The following LYRM1 variants were observed in gnomAD, a reference collection of about 807,000 sequenced individuals.
The protein encoded by LYRM1 is LYR motif containing 1, also known as LYR motif-containing protein 1.
In LYRM1, 14 loss-of-function variants were observed where a neutral mutation model predicts 14.9. That is an observed-to-expected ratio of 0.94 (90% CI 0.62 to 1.47). The LOEUF is 1.47. Among genes scored for constraint, LYRM1 ranks in the 40% most tolerant of loss-of-function variants. The pLI is 0.00. For missense variants in LYRM1, 153 were observed against 149.9 expected (o/e 1.02, Z -0.11); for synonymous variants, 43 against 56.2 (o/e 0.77, Z 1.05).
chr16:20,911,547 T>G (rs1157478733), intron 1 of LYRM1, among the ~76,000 whole-genome samples: 1 of 152,198 alleles, frequency 6.6e-6, no homozygotes, highest in East Asian at 1.9e-4. Flanking sequence ...GAATGAGGTG[T>G]CCAGCTGCCT....
chr16:20,919,147 T>G (rs2083058345), intron 2 of LYRM1, among the ~76,000 whole-genome samples: 1 of 152,204 alleles, frequency 6.6e-6, no homozygotes. Flanking sequence ...TTTTATTCCT[T>G]TAATTGAGAG....
intron 2 of LYRM1, among the ~76,000 whole-genome samples, chr16:20,917,053 T>TA (rs748728602): frequency 0.015 from 1,832 of 122,882 alleles, 35 homozygotes; most frequent in African/African-American, 0.045. Flanking sequence ...CCCTGTCTCT[T>TA]AAAAAAAAAA....
At chr16:20,918,511 A>T (rs1350779472) in intron 2 of LYRM1, among the ~76,000 whole-genome samples, 1 of 152,198 alleles carries the variant, frequency 6.6e-6, no homozygotes, top group Non-Finnish European at 1.5e-5. Flanking sequence ...GAAAAATTTT[A>T]ACATTAGTAT....
At position 20,910,783 on chromosome 16, in the gene LYRM1, A is replaced by C. The variant is rs113742834; in HGVS notation, c.1-4773A>C. The stretch of plus-strand genomic sequence containing the variant: ...AGCGAGACCCTGCCTCTAAAAAAAA[A>C]AACAACAACAACAAAAAACCTTGCT... On this transcript the variant is annotated intron_variant, in intron 1 of 3. Coordinates refer to ENST00000567954, the MANE Select transcript of LYRM1 (RefSeq NM_001128302.3). Among the ~76,000 whole-genome samples, 982 of 152,230 alleles carry C rather than the reference A, an allele frequency of 6.5e-3. 2 individuals carry two copies. The highest frequency in any genetic ancestry group is 0.011 in the South Asian group (53 of 4,830).
chr16:20,920,371 A>C (rs2083127724), intron 3 of LYRM1, 157 bp downstream of exon 3: 1 of 652,296 alleles, frequency 1.5e-6, no homozygotes, highest in Non-Finnish European at 2.8e-6. Flanking sequence ...CTGCCAGCCC[A>C]TCACAACAAA....
chr16:20,916,371 T>C (rs1430365085), intron 2 of LYRM1, among the ~76,000 whole-genome samples: 1 of 152,140 alleles, frequency 6.6e-6, no homozygotes, highest in African/African-American at 2.4e-5. Context: ...GCACTAAGCA[T>C]GGAAAAAGGC....
At chr16:20,915,467 A>C (rs1221437947) in intron 1 of LYRM1, 89 bp from the exon 2 acceptor site, 38 of 1,317,706 alleles carry the variant, frequency 2.9e-5, no homozygotes, top group Non-Finnish European at 3.5e-5. Context: ...CTCAAAAAAA[A>C]AAAAAAAAAA....
In LYRM1 at chr16:20,921,739, C is replaced by T. The variant is rs145652629; in HGVS notation, c.252+1525C>T. The T allele has an allele frequency of 1.2e-3, 182 of 149,610 alleles. 1 individual carries two copies. Among genetic ancestry groups the T allele is most frequent in the African/African-American group, 4.0e-3 (162 of 40,622 alleles). 9.3% of individuals were successfully genotyped at this position (149,610 alleles called of 1,614,324 possible). A position where few individuals can be genotyped will look rare whatever the true frequency, so the allele number is the denominator to read the frequency against. On this transcript the variant is annotated intron_variant, in intron 3 of 3. Coordinates refer to ENST00000567954, the MANE Select transcript of LYRM1 (RefSeq NM_001128302.3). The stretch of plus-strand genomic sequence containing the variant: ...AAAAAAAAAAAAAAAAAAAATTTCT[C>T]ATTGTGCAGAGGGTGAACACTTTAA...
intron 2 of LYRM1, among the ~76,000 whole-genome samples, chr16:20,917,514 C>T (rs2082967630): frequency 6.6e-6 from 1 of 152,108 alleles, no homozygotes; most frequent in Non-Finnish European, 1.5e-5. Context: ...AATCCTTACA[C>T]TTTGGGAGGC....
chr16:20,903,966 TATGA>T (rs66928042), intron 1 of LYRM1, among the ~76,000 whole-genome samples: 87,309 of 149,536 alleles, frequency 0.58, 26,135 homozygotes, highest in Non-Finnish European at 0.66. Flanking sequence ...GCTGGGGAGT[TATGA>T]ATGAATGAAT....
chr16:20,909,677 T>A (rs1432811213), intron 1 of LYRM1, among the ~76,000 whole-genome samples: 1 of 152,210 alleles, frequency 6.6e-6, no homozygotes, highest in Non-Finnish European at 1.5e-5. Context: ...CGGGAAAAGC[T>A]GATTTTTCTA....
chr16:20,905,566 T>C (rs2082278356), intron 1 of LYRM1, among the ~76,000 whole-genome samples: 1 of 152,208 alleles, frequency 6.6e-6, no homozygotes, highest in Admixed American at 6.5e-5. Flanking sequence ...TTTTCTAGAT[T>C]GATTTTAACC....
In LYRM1 at chr16:20,904,507, C is replaced by G. The variant is rs547400970; in HGVS notation, c.-1+3618C>G. On this transcript the variant is annotated intron_variant, in intron 1 of 3. Transcript: ENST00000567954. Reference sequence around the variant, plus strand: ...TCCCTGCCCCCTATTGCTGACAGACCATATTCTTATCATTTTCTGTGTAAA... The same window carrying G: ...TCCCTGCCCCCTATTGCTGACAGACGATATTCTTATCATTTTCTGTGTAAA... Among the ~76,000 whole-genome samples, 6 of 152,206 alleles carry G rather than the reference C, an allele frequency of 3.9e-5. No homozygotes were observed. The South Asian group carries it at 1.2e-3, about 32-fold the overall frequency.
At position 20,901,562 on chromosome 16, in the gene LYRM1, A is replaced by C. The variant is rs1213816905; in HGVS notation, c.-1+673A>C. Among the ~76,000 whole-genome samples the C allele has an allele frequency of 6.6e-6, 1 of 152,202 alleles. No individual in the cohort carries two copies. Among genetic ancestry groups the C allele is most frequent in the Non-Finnish European group, 1.5e-5 (1 of 68,042 alleles). On this transcript the variant is annotated intron_variant, in intron 1 of 3. Transcript: ENST00000567954. The surrounding 1 kb of genome is among the most constrained non-coding windows in gnomAD (Gnocchi z 4.6). ...AATGAGAAGGACTTTTAGGTTGGAA[A>C]CAGCCAGAAGGCCATGTGGCTGAAG...
At chr16:20,914,999 C>A (rs563939888) in intron 1 of LYRM1, among the ~76,000 whole-genome samples, 1 of 152,048 alleles carries the variant, frequency 6.6e-6, no homozygotes, top group African/African-American at 2.4e-5. Context: ...TTGGTTTTGC[C>A]GTGTTCATAA....
intron 1 of LYRM1, among the ~76,000 whole-genome samples, chr16:20,911,524 A>C (rs2082591557): frequency 6.6e-6 from 1 of 152,194 alleles, no homozygotes; most frequent in South Asian, 2.1e-4. Context: ...GTTAGAGGAA[A>C]ACCCAGAACT....
chr16:20,901,921 C>G lies in LYRM1; in HGVS notation c.-1+1032C>G, dbSNP rs1026475942. The stretch of plus-strand genomic sequence containing the variant: ...CGGGCGGATCACGAGGTCAGGAGAT[C>G]GAGATCATCCTGGCCAACATGGTGA... On this transcript the variant is annotated intron_variant, in intron 1 of 3. Transcript: ENST00000567954. This position sits in a 1 kb window ranked among gnomAD's most constrained non-coding sequence, Gnocchi z 4.6. Among the ~76,000 whole-genome samples the G allele has an allele frequency of 1.3e-5, 2 of 152,114 alleles. No individual in the cohort carries two copies. Among genetic ancestry groups the G allele is most frequent in the African/African-American group, 4.8e-5 (2 of 41,430 alleles).
At position 20,915,718 on chromosome 16, in the gene LYRM1, A is replaced by G; in HGVS notation, c.159+4A>G. ...GCTGTTCCGGAAAAACAAAAATGTA[A>G]GTAGGCCCCACTTGGAGATTGTGCA... On this transcript the variant is annotated splice_donor_region_variant and intron_variant, in intron 2 of 3. Coordinates refer to ENST00000567954, the MANE Select transcript of LYRM1 (RefSeq NM_001128302.3). 6.2e-7 allele frequency: 1 copy of G among 1,613,606 alleles called. No individual in the cohort carries two copies. Among genetic ancestry groups the G allele is most frequent in the South Asian group, 1.1e-5 (1 of 91,070 alleles).
At position 20,924,030 on chromosome 16, in the gene LYRM1, C is replaced by T. The variant is rs1200898743; in HGVS notation, c.283C>T (p.Leu95Phe). The change falls in exon 4 of 4, where the codon CTC becomes TTC. Residue 95 changes from leucine to phenylalanine, a missense_variant. By Grantham distance (22) the Leu-to-Phe change is conservative. Coordinates refer to ENST00000567954, the MANE Select transcript of LYRM1 (RefSeq NM_001128302.3). ...TCTGCCTCCAATGGGCCTTACCCCA[C>T]TCCGAGGCCGGGGACTTCGAAGCCA... ...IHLPPMGLTPLRGRGLRSQEK... is the reference protein window; with the variant it reads ...IHLPPMGLTPFRGRGLRSQEK... 1.9e-6 allele frequency: 3 copies of T among 1,612,486 alleles called. No individual in the cohort carries two copies. The highest frequency in any genetic ancestry group is 4.5e-5 in the East Asian group (2 of 44,876).
Sources: allele counts gnomAD v4.1 joint callset (sites outside exome capture counted in the v4.1 genomes callset), GRCh38; gene constraint gnomAD v4.1.1; non-coding constraint Gnocchi (gnomAD v3.1); transcripts MANE v1.5; gene names NCBI Gene and HGNC (gene_info 2026-07-23, HGNC 2026-07-21).